Variants in MAP3K21 observed in about 807,000 individuals in gnomAD.
MAP3K21 encodes the protein mitogen-activated protein kinase kinase kinase MLK4.
MAP3K21 carries 63 observed loss-of-function variants against 86.1 expected under a neutral mutation model. That is an observed-to-expected ratio of 0.73 (90% confidence interval 0.60 to 0.90). The LOEUF (loss-of-function observed/expected upper bound fraction) is 0.90, where lower values mean the gene tolerates loss of function less well. Among genes scored for constraint, MAP3K21 ranks in the 40% least tolerant of loss-of-function variants. MAP3K21 has a pLI of 0.00. For synonymous variants in MAP3K21, 558 were observed against 564.8 expected (o/e 0.99, Z 0.17); for missense variants, 1,220 against 1,367.7 (o/e 0.89, Z 1.70).
chr1:233,378,665 A>T (rs1663844483), intron 8 of MAP3K21, among the ~76,000 whole-genome samples: 1 of 152,138 alleles, frequency 6.6e-6, no homozygotes, highest in Non-Finnish European at 1.5e-5. Context: ...CTATTATTGA[A>T]GCTGATGAAG....
chr1:233,328,087 C>G lies in MAP3K21; in HGVS notation c.59C>G (p.Ala20Gly), dbSNP rs771213620. The G allele has an allele frequency of 2.2e-6, 3 of 1,362,906 alleles. No individual in the cohort carries two copies. Among genetic ancestry groups the G allele is most frequent in the East Asian group, 3.1e-5 (1 of 32,118 alleles). 84.4% of individuals were successfully genotyped at this position (1,362,906 alleles called of 1,614,324 possible). A position where few individuals can be genotyped will look rare whatever the true frequency, so the allele number is the denominator to read the frequency against. Residue 20 changes from alanine (A) to glycine (G), a missense_variant, in exon 1 of 10, where the codon GCC (alanine) becomes GGC (glycine). Ala to Gly is a moderately conservative substitution (Grantham distance 60). This residue lies in a region of MAP3K21 where 369 missense variants were observed against 385.3 expected (regional missense o/e 0.96). Coordinates refer to ENST00000366624, the MANE Select transcript of MAP3K21 (RefSeq NM_032435.3). This position sits in a 1 kb window ranked among gnomAD's most constrained non-coding sequence, Gnocchi z 8.7. ...TDTPVSSAGGAPGGSASSSST... is the reference protein window; with the variant it reads ...TDTPVSSAGGGPGGSASSSST... ...ACCCCGGTGTCCTCGGCCGGGGGAG[C>G]CCCCGGCGGCTCAGCGTCCTCGTCG...
intron 4 of MAP3K21, among the ~76,000 whole-genome samples, chr1:233,361,432 A>G (rs1663463887): frequency 6.6e-6 from 1 of 152,204 alleles, no homozygotes. Context: ...TTGCAATTTT[A>G]GAGGTGGCTT....
chr1:233,340,151 G>T (rs1171110327), intron 1 of MAP3K21, among the ~76,000 whole-genome samples: 1 of 152,182 alleles, frequency 6.6e-6, no homozygotes, highest in Non-Finnish European at 1.5e-5. Flanking sequence ...AGTAGCTGAG[G>T]TTAGGCAAAA....
intron 1 of MAP3K21, 141 bp from the exon 2 acceptor site, chr1:233,346,301 T>C (rs1663137985): frequency 4.7e-6 from 3 of 641,056 alleles, no homozygotes; most frequent in Non-Finnish European, 7.9e-6. Context: ...AAATCTGTGC[T>C]GTAAGTAAAA....
rs140051886 is a variant in MAP3K21 at position 233,375,188 on chromosome 1, C to T, written c.1676-728C>T. Reference sequence around the variant, plus strand: ...CGAAGTCCTGACCTTGTGTTTTGCCCGCCTCGGCCTCCCAAACTGCTGGGA... The same window carrying T: ...CGAAGTCCTGACCTTGTGTTTTGCCTGCCTCGGCCTCCCAAACTGCTGGGA... On this transcript the variant is annotated intron_variant, in intron 6 of 9. Coordinates refer to ENST00000366624, the MANE Select transcript of MAP3K21 (RefSeq NM_032435.3). Among the ~76,000 whole-genome samples, 43 of 152,048 alleles carry T rather than the reference C, an allele frequency of 2.8e-4. No homozygotes were observed. In the East Asian group the frequency reaches 6.6e-3, roughly 23 times the overall value.
At position 233,369,500 on chromosome 1, in the gene MAP3K21, C is replaced by G. The variant is rs79944706; in HGVS notation, c.1553-2538C>G. Among the ~76,000 whole-genome samples, 82 of 152,182 alleles carry G rather than the reference C, an allele frequency of 5.4e-4. 1 individual carries two copies. The highest frequency in any genetic ancestry group is 3.4e-3 in the Middle Eastern group (1 of 294). On this transcript the variant is annotated intron_variant, in intron 5 of 9. Coordinates refer to ENST00000366624, the MANE Select transcript of MAP3K21 (RefSeq NM_032435.3). ...ACATGTGGAGGAAACTTGGTTTCTT[C>G]CAGGAATTGAAAAAAGTTCAGTGTG...
intron 9 of MAP3K21, among the ~76,000 whole-genome samples, chr1:233,380,379 G>T (rs1663892029): frequency 6.6e-6 from 1 of 152,056 alleles, no homozygotes; most frequent in South Asian, 2.1e-4. Flanking sequence ...CTCTTTTTAG[G>T]ACATCAGTCA....
Position 233,354,944 on chromosome 1 carries a change from A to C in MAP3K21, c.1244A>C (p.His415Pro). The change falls in exon 4 of 10, where the codon CAT (histidine) becomes CCT (proline). Residue 415 changes from histidine to proline, a missense_variant. Transcript: ENST00000366624. ...ACTGAGATGCCTCAAGAATCTTTTC[A>C]TTCCATGCAAGATGACTGGAAACTA... ...VMTEMPQESF[H>P]SMQDDWKLEI... 6.2e-7 allele frequency: 1 copy of C among 1,613,988 alleles called. No individual in the cohort carries two copies. The highest frequency in any genetic ancestry group is 8.5e-7 in the Non-Finnish European group (1 of 1,179,844).
chr1:233,355,080 A>G, intron 4 of MAP3K21, 69 bp downstream of exon 4: 1 of 1,109,106 alleles, frequency 9.0e-7, no homozygotes, highest in East Asian at 2.4e-5. Flanking sequence ...TGAGGCAAGA[A>G]GCACTGTTAG....
rs1663938234 is a variant in MAP3K21 at position 233,382,533 on chromosome 1, C to T, written c.2933C>T (p.Pro978Leu). Residue 978 changes from proline (P) to leucine (L), a missense_variant, in exon 10 of 10, where the codon CCA becomes CTA. By Grantham distance (98) the Pro-to-Leu change is moderately conservative. This residue lies in a region of MAP3K21 where 632 missense variants were observed against 691.3 expected (regional missense o/e 0.91). Coordinates refer to ENST00000366624, the MANE Select transcript of MAP3K21 (RefSeq NM_032435.3). The part of the protein sequence containing the change: ...LAQTACVVGR[P>L]GPHPTQFLAA... Reference sequence around the variant, plus strand: ...CAGACTGCCTGTGTAGTGGGTCGCCCAGGACCACATCCCACCCAATTCCTC... The same window carrying T: ...CAGACTGCCTGTGTAGTGGGTCGCCTAGGACCACATCCCACCCAATTCCTC... 6.2e-7 allele frequency: 1 copy of T among 1,614,166 alleles called. No homozygotes were observed. The highest frequency in any genetic ancestry group is 2.2e-5 in the East Asian group (1 of 44,870).
chr1:233,328,736 G>A lies in MAP3K21; in HGVS notation c.708G>A (p.Val236=). 1.4e-6 allele frequency: 2 copies of A among 1,465,884 alleles called. No individual in the cohort carries two copies. The highest frequency in any genetic ancestry group is 1.4e-5 in the South Asian group (1 of 73,928). 90.8% of individuals were successfully genotyped at this position (1,465,884 alleles called of 1,614,324 possible). A position where few individuals can be genotyped will look rare whatever the true frequency, so the allele number is the denominator to read the frequency against. ...PRRARRIPPH[V]LVNWAVQIAR... is the part of the protein sequence containing the mutation. ...GCGCGCGCCGCATCCCTCCGCACGT[G>A]CTGGTCAACTGGGCCGTGCAGATAG... The change falls in exon 1 of 10, where the codon GTG becomes GTA. Residue 236 remains valine (V), a synonymous_variant. Transcript: ENST00000366624. The surrounding 1 kb of genome is among the most constrained non-coding windows in gnomAD (Gnocchi z 8.7).
At chr1:233,338,844 G>T (rs1662963692) in intron 1 of MAP3K21, among the ~76,000 whole-genome samples, 2 of 152,280 alleles carry the variant, frequency 1.3e-5, no homozygotes, top group African/African-American at 4.8e-5. Context: ...GGACTATACT[G>T]GCAGCAGTTT....
chr1:233,362,236 A>G lies in MAP3K21; in HGVS notation c.1495A>G (p.Lys499Glu). The change falls in exon 5 of 10, where the codon AAG (lysine) becomes GAG (glutamate). Residue 499 changes from lysine to glutamate, a missense_variant. Lys to Glu is a moderately conservative substitution (Grantham distance 56). Around this residue, in one of 5 missense-constraint regions of MAP3K21, gnomAD observed 632 missense variants for 691.3 expected, o/e 0.91. Transcript: ENST00000366624. ...GCCCAAGGTAAAGAAGAGGAAGGGC[A>G]AGTTTAAGAGAAGTCGTTTAAAGCT... ...EKPKVKKRKGKFKRSRLKLKD... is the reference protein window; with the variant it reads ...EKPKVKKRKGEFKRSRLKLKD... The G allele has an allele frequency of 6.2e-7, 1 of 1,614,258 alleles. No individual in the cohort carries two copies.
intron 4 of MAP3K21, among the ~76,000 whole-genome samples, chr1:233,355,967 C>T (rs188155297): frequency 6.6e-4 from 100 of 152,284 alleles, no homozygotes; most frequent in African/African-American, 2.4e-3. Flanking sequence ...TTTCTCCTCA[C>T]ATATTTTGCC....
At position 233,327,911 on chromosome 1, in the gene MAP3K21, T is replaced by A; in HGVS notation, c.-118T>A. On this transcript the variant is annotated 5_prime_UTR_variant, in exon 1 of 10. Transcript: ENST00000366624. Reference sequence around the variant, plus strand: ...GATCTCTGCCGTCACCGATCGCGATTCCTACCCCCTCGCCTTCCCCCGGCG... The same window carrying A: ...GATCTCTGCCGTCACCGATCGCGATACCTACCCCCTCGCCTTCCCCCGGCG... The A allele has an allele frequency of 1.3e-6, 1 of 778,028 alleles. No homozygotes were observed. Among genetic ancestry groups the A allele is most frequent in the Non-Finnish European group, 1.7e-6 (1 of 578,508 alleles). 48.2% of individuals were successfully genotyped at this position (778,028 alleles called of 1,614,324 possible).
In MAP3K21 at chr1:233,372,135, G is replaced by A. The variant is rs762723841; in HGVS notation, c.1650G>A (p.Met550Ile). Residue 550 changes from methionine to isoleucine, a missense_variant, in exon 6 of 10, where the codon ATG (methionine) becomes ATA (isoleucine). Around this residue, in one of 5 missense-constraint regions of MAP3K21, gnomAD observed 632 missense variants for 691.3 expected, o/e 0.91. Transcript: ENST00000366624. ...SSSSPPSSPT[M>I]MPRLRAIQLT... The stretch of plus-strand genomic sequence containing the variant: ...CCAGTCCCCCGAGCAGCCCCACAAT[G>A]ATGCCCCGACTCCGAGCCATACAGT... The A allele has an allele frequency of 6.2e-6, 10 of 1,614,008 alleles. No individual in the cohort carries two copies. Among genetic ancestry groups the A allele is most frequent in the Non-Finnish European group, 8.5e-6 (10 of 1,180,026 alleles).
chr1:233,328,066 C>T lies in MAP3K21; in HGVS notation c.38C>T (p.Pro13Leu), dbSNP rs777665995. ...GGCGCCGCGGGAGCGACCGACACCC[C>T]GGTGTCCTCGGCCGGGGGAGCCCCC... is the stretch of plus-strand genomic sequence containing the variant. ...LRGAAGATDT[P>L]VSSAGGAPGG... The change falls in exon 1 of 10, where the codon CCG becomes CTG. Residue 13 changes from proline to leucine, a missense_variant. Around this residue, in one of 5 missense-constraint regions of MAP3K21, gnomAD observed 369 missense variants for 385.3 expected, o/e 0.96. Transcript: ENST00000366624. This position sits in a 1 kb window ranked among gnomAD's most constrained non-coding sequence, Gnocchi z 8.7. The T allele has an allele frequency of 4.5e-6, 6 of 1,342,698 alleles. No individual in the cohort carries two copies. The highest frequency in any genetic ancestry group is 1.9e-6 in the Non-Finnish European group (2 of 1,054,142). 83.2% of individuals were successfully genotyped at this position (1,342,698 alleles called of 1,614,324 possible).
At chr1:233,354,696 T>C (rs959364211) in intron 3 of MAP3K21, 140 bp from the exon 4 acceptor site, 6 of 692,564 alleles carry the variant, frequency 8.7e-6, no homozygotes, top group Non-Finnish European at 1.5e-5. Context: ...CTTAAAATCT[T>C]CAGGAGCAGA....
At chr1:233,329,884 T>G (rs1335711008) in intron 1 of MAP3K21, among the ~76,000 whole-genome samples, 1 of 152,244 alleles carries the variant, frequency 6.6e-6, no homozygotes, top group Non-Finnish European at 1.5e-5. Flanking sequence ...ACAAATGACT[T>G]AAATGCAAAT....
Sources: gnomAD v4.1 joint callset for allele counts (sites outside exome capture counted in the v4.1 genomes callset) on GRCh38, gnomAD v4.1.1 for gene constraint, gnomAD v4.1.1 regional missense constraint, Gnocchi (gnomAD v3.1) non-coding constraint, MANE v1.5 for transcripts, NCBI Gene and HGNC (gene_info 2026-07-23, HGNC 2026-07-21) for gene names.